GCSAM: variants seen among roughly 807,000 people sequenced by gnomAD.
GCSAM encodes germinal center-associated signaling and motility protein.
In GCSAM, 8 loss-of-function variants were observed where a neutral mutation model predicts 17.6. The observed-to-expected ratio is 0.46, with a 90% CI of 0.27 to 0.82. The LOEUF (loss-of-function observed/expected upper bound fraction) is 0.82, where lower values mean the gene tolerates loss of function less well. Among genes scored for constraint, GCSAM ranks in the 40% least tolerant of loss-of-function variants. The pLI, the probability that GCSAM is intolerant of heterozygous loss-of-function variation, is 0.15. For synonymous variants in GCSAM, 68 were observed against 69.0 expected (o/e 0.98, Z 0.07); for missense variants, 192 against 213.5 (o/e 0.90, Z 0.63).
chr3:112,125,950 A>G (rs981877453), intron 4 of GCSAM, among the ~76,000 whole-genome samples: 4 of 152,234 alleles, frequency 2.6e-5, no homozygotes, highest in Non-Finnish European at 4.4e-5. Flanking sequence ...CACCAATTCC[A>G]TAAACAAACA....
intron 5 of GCSAM, among the ~76,000 whole-genome samples, 192 bp from the exon 6 acceptor site, chr3:112,123,964 C>G (rs1188291219): frequency 1.3e-5 from 2 of 152,074 alleles, no homozygotes; most frequent in East Asian, 3.9e-4. Context: ...TGCTTAAGGT[C>G]TAGAGCCTGC....
In GCSAM at chr3:112,126,978, A is replaced by G; in HGVS notation, c.190+9T>C. On this transcript the variant is annotated intron_variant, in intron 4 of 5. Coordinates refer to ENST00000308910, the MANE Select transcript of GCSAM (RefSeq NM_152785.5). ...CAAAAGTGAAAATACTAGGAAATCA[A>G]TGACTTACTTTCGTTTTGGGAATCT... is the stretch of plus-strand genomic sequence containing the variant. 6.4e-7 allele frequency: 1 copy of G among 1,566,576 alleles called. No individual in the cohort carries two copies. The highest frequency in any genetic ancestry group is 1.1e-5 in the South Asian group (1 of 87,238).
chr3:112,121,483 C>CA lies in GCSAM; in HGVS notation c.*1971dup, dbSNP rs753854815. 2 of 152,194 alleles carry CA rather than the reference C, an allele frequency of 1.3e-5. No individual in the cohort carries two copies. Among genetic ancestry groups the CA allele is most frequent in the Non-Finnish European group, 2.9e-5 (2 of 68,054 alleles). 9.4% of individuals were successfully genotyped at this position (152,194 alleles called of 1,614,324 possible). ...GTTGATGGTGAAGAAGCTGAGCCTC[C>CA]AAGTAGCATGTTCAAAGTCACAGAT... is the stretch of plus-strand genomic sequence containing the variant. On this transcript the variant is annotated 3_prime_UTR_variant, in exon 6 of 6. Transcript: ENST00000308910.
rs564831298 is a variant in GCSAM, at chr3:112,133,086, A to G, written c.29+6T>C. 6.2e-7 allele frequency: 1 copy of G among 1,613,370 alleles called. No individual in the cohort carries two copies. The highest frequency in any genetic ancestry group is 1.7e-5 in the Admixed American group (1 of 60,014). ...CTCTGCTCTCCCACAGGGAGTCTAG[A>G]CTTACCTGTTTTCTCTCAGCAGAGA... On this transcript the variant is annotated splice_donor_region_variant and intron_variant, in intron 1 of 5. Coordinates refer to ENST00000308910, the MANE Select transcript of GCSAM (RefSeq NM_152785.5).
chr3:112,128,027 A>T lies in GCSAM; in HGVS notation c.133T>A (p.Cys45Ser). 6.2e-7 allele frequency: 1 copy of T among 1,613,740 alleles called. No individual in the cohort carries two copies. Among genetic ancestry groups the T allele is most frequent in the Non-Finnish European group, 8.5e-7 (1 of 1,179,668 alleles). Reference sequence around the variant, plus strand: ...CAACTGTCCACTCACCATGGAAGGCAGAAACACCCTTCAGCGATATGGTGA... The same window carrying T: ...CAACTGTCCACTCACCATGGAAGGCTGAAACACCCTTCAGCGATATGGTGA... Reference protein sequence around the residue: ...WDHHIAEGCFCLPWKKILIFE... With the variant: ...WDHHIAEGCFSLPWKKILIFE... Residue 45 changes from cysteine (C) to serine (S), a missense_variant, in exon 3 of 6, where the codon TGC becomes AGC. By Grantham distance (112) the Cys-to-Ser change is moderately radical. Transcript: ENST00000308910.
intron 1 of GCSAM, chr3:112,130,779 T>C (rs1429367247): frequency 2.1e-6 from 1 of 485,684 alleles, no homozygotes; most frequent in Non-Finnish European, 3.8e-6. Flanking sequence ...TGATCCCAAA[T>C]ATCCAGGGAT....
chr3:112,130,357 C>T (rs1188912284), intron 2 of GCSAM, 88 bp downstream of exon 2: 3 of 1,016,060 alleles, frequency 3.0e-6, no homozygotes, highest in East Asian at 4.7e-5. Flanking sequence ...ACAGGGCCCT[C>T]TCTCACTGGG....
chr3:112,123,359 G>C lies in GCSAM; in HGVS notation c.*96C>G. On this transcript the variant is annotated 3_prime_UTR_variant, in exon 6 of 6. Transcript: ENST00000308910. ...GGGAAAGGGTTGTTGTGGGAGATAA[G>C]CTGGAGGGACTTTGTGTCCCATCCC... 6.5e-7 allele frequency: 1 copy of C among 1,540,326 alleles called. No homozygotes were observed. Among genetic ancestry groups the C allele is most frequent in the Non-Finnish European group, 8.7e-7 (1 of 1,145,532 alleles).
chr3:112,122,632 T>A lies in GCSAM; in HGVS notation c.*823A>T, dbSNP rs1172421326. ...AATATATTGCAGAGGGCTTTCTATTTAGCATACTGGGGGAGCACTAAATTG... is the reference window on the plus strand; with the variant it reads ...AATATATTGCAGAGGGCTTTCTATTAAGCATACTGGGGGAGCACTAAATTG... On this transcript the variant is annotated 3_prime_UTR_variant, in exon 6 of 6. Coordinates refer to ENST00000308910, the MANE Select transcript of GCSAM (RefSeq NM_152785.5). The A allele has an allele frequency of 6.6e-6, 1 of 152,180 alleles. No homozygotes were observed. The highest frequency in any genetic ancestry group is 2.4e-5 in the African/African-American group (1 of 41,432). The allele number at this position is 152,180 out of a possible 1,614,324, so 9.4% of individuals were successfully genotyped here. A position where few individuals can be genotyped will look rare whatever the true frequency, so the allele number is the denominator to read the frequency against.
chr3:112,128,153 C>CT (rs1011227331), intron 2 of GCSAM, 92 bp from the exon 3 acceptor site: 13 of 1,113,830 alleles, frequency 1.2e-5, no homozygotes, highest in Non-Finnish European at 1.6e-5. Flanking sequence ...CTGTGGAAAA[C>CT]TTTTTTTCTC....
rs369037403 is a variant in GCSAM at position 112,123,727 on chromosome 3, T to C, written c.265A>G (p.Ile89Val). Residue 89 changes from isoleucine to valine, a missense_variant, in exon 6 of 6, where the codon ATC becomes GTC. Ile to Val is a conservative substitution (Grantham distance 29). Coordinates refer to ENST00000308910, the MANE Select transcript of GCSAM (RefSeq NM_152785.5). ...CTTGTACAGAGAACCCGATGATTGATGAGGGTATAGCACAGCTCCTCTGAG... is the reference window on the plus strand; with the variant it reads ...CTTGTACAGAGAACCCGATGATTGACGAGGGTATAGCACAGCTCCTCTGAG... ...TYSEELCYTL[I>V]NHRVLCTRPS... 6.2e-6 allele frequency: 10 copies of C among 1,613,880 alleles called. No individual in the cohort carries two copies. The African/African-American group carries it at 1.2e-4, about 19-fold the overall frequency.
At chr3:112,131,994 G>A (rs1158407464) in intron 1 of GCSAM, among the ~76,000 whole-genome samples, 1 of 151,910 alleles carries the variant, frequency 6.6e-6, no homozygotes, top group African/African-American at 2.4e-5. Flanking sequence ...CACTTATTCA[G>A]TGCACGTGAT....
Position 112,133,224 on chromosome 3 carries a change from C to G in GCSAM, c.-104G>C. The stretch of plus-strand genomic sequence containing the variant: ...GACTTAAAGAAAGGGCTGTGTGGCT[C>G]TGGCCACCCGTGCAGAGACAGCAGA... On this transcript the variant is annotated 5_prime_UTR_variant, in exon 1 of 6. Coordinates refer to ENST00000308910, the MANE Select transcript of GCSAM (RefSeq NM_152785.5). The G allele has an allele frequency of 8.1e-7, 1 of 1,234,816 alleles. No homozygotes were observed. Among genetic ancestry groups the G allele is most frequent in the Non-Finnish European group, 1.2e-6 (1 of 839,394 alleles). The allele number at this position is 1,234,816 out of a possible 1,614,324, so 76.5% of individuals were successfully genotyped here. A position where few individuals can be genotyped will look rare whatever the true frequency, so the allele number is the denominator to read the frequency against.
intron 4 of GCSAM, among the ~76,000 whole-genome samples, 154 bp downstream of exon 4, chr3:112,126,833 T>C (rs2074332125): frequency 1.3e-5 from 2 of 152,196 alleles, no homozygotes; most frequent in African/African-American, 4.8e-5. Flanking sequence ...CACCATCTAC[T>C]GAGGACAAAG....
At chr3:112,129,378 A>G (rs1416080566) in intron 2 of GCSAM, 4 of 152,188 alleles carry the variant, frequency 2.6e-5, no homozygotes, top group African/African-American at 9.7e-5. Flanking sequence ...ATGGGCAAAA[A>G]CGATCTGTAA....
intron 5 of GCSAM, 103 bp downstream of exon 5, chr3:112,125,123 T>G (rs1559983238): frequency 1.4e-5 from 11 of 785,902 alleles, no homozygotes; most frequent in Non-Finnish European, 2.3e-5. Context: ...TCTTTCTCCA[T>G]GTAAGGGTCA....
intron 4 of GCSAM, 24 bp from the exon 5 acceptor site, chr3:112,125,278 T>C: frequency 6.5e-7 from 1 of 1,532,520 alleles, no homozygotes; most frequent in East Asian, 2.2e-5. Flanking sequence ...ATACACTCAA[T>C]GAATTTCAGG....
At chr3:112,125,095 A>G in intron 5 of GCSAM, 131 bp downstream of exon 5, 1 of 698,580 alleles carries the variant, frequency 1.4e-6, no homozygotes, top group Non-Finnish European at 2.6e-6. Context: ...CCGAGTTCAC[A>G]AGCACTGACA....
chr3:112,129,402 C>T (rs1191378101), intron 2 of GCSAM: 1 of 152,194 alleles, frequency 6.6e-6, no homozygotes, highest in Non-Finnish European at 1.5e-5. Context: ...GGCTGTTTCT[C>T]CTACTTGACT....
Sources: gnomAD v4.1 joint callset for allele counts (sites outside exome capture counted in the v4.1 genomes callset) on GRCh38, gnomAD v4.1.1 for gene constraint, MANE v1.5 for transcripts, NCBI Gene and HGNC (gene_info 2026-07-23, HGNC 2026-07-21) for gene names.